Variants in PELI3 observed in about 807,000 individuals in gnomAD.
The protein encoded by PELI3 is pellino E3 ubiquitin protein ligase family member 3, also known as E3 ubiquitin-protein ligase pellino homolog 3.
PELI3 carries 19 observed loss-of-function variants against 35.5 expected under a neutral mutation model. The observed-to-expected ratio is 0.54, with a 90% CI of 0.37 to 0.79. PELI3 has a LOEUF of 0.79. Ranked by LOEUF, PELI3 falls within the 30% of genes least tolerant of loss-of-function variation. The pLI, the probability that PELI3 is intolerant of heterozygous loss-of-function variation, is 0.00. For synonymous variants in PELI3, 262 were observed against 279.2 expected (o/e 0.94, Z 0.62); for missense variants, 490 against 661.2 (o/e 0.74, Z 2.84).
rs1440434242 is a variant in PELI3 at position 66,466,915 on chromosome 11, C to G, written c.-114C>G. The G allele has an allele frequency of 2.0e-5, 3 of 151,330 alleles. No homozygotes were observed. Among genetic ancestry groups the G allele is most frequent in the Non-Finnish European group, 4.4e-5 (3 of 67,526 alleles). The allele number at this position is 151,330 out of a possible 1,614,324, so 9.4% of individuals were successfully genotyped here. ...CCCCCGGCCCTGGGTGTCCCCGTGA[C>G]GAGGCAGCGCGGAGCCGCCGCGGGC... On this transcript the variant is annotated 5_prime_UTR_variant, in exon 1 of 8. Coordinates refer to ENST00000320740, the MANE Select transcript of PELI3 (RefSeq NM_145065.3).
Position 66,474,322 on chromosome 11 carries a change from C to T in PELI3, c.840+397C>T, listed in dbSNP as rs182175018. On this transcript the variant is annotated intron_variant, in intron 7 of 7. Transcript: ENST00000320740. ...TTGGCAGTTTGTAGCATGTCTATCA[C>T]GTTCAGACAGGTTTAGCACTGTTCT... 172 of 555,432 alleles carry T rather than the reference C, an allele frequency of 3.1e-4. 1 individual carries two copies. Among genetic ancestry groups the T allele is most frequent in the Middle Eastern group, 9.0e-4 (2 of 2,214 alleles). 34.4% of individuals were successfully genotyped at this position (555,432 alleles called of 1,614,324 possible). A position where few individuals can be genotyped will look rare whatever the true frequency, so the allele number is the denominator to read the frequency against.
At position 66,473,177 on chromosome 11, in the gene PELI3, A is replaced by C; in HGVS notation, c.457-64A>C. On this transcript the variant is annotated intron_variant, in intron 5 of 7. Coordinates refer to ENST00000320740, the MANE Select transcript of PELI3 (RefSeq NM_145065.3). The surrounding 1 kb of genome is among the most constrained non-coding windows in gnomAD (Gnocchi z 5.8). The stretch of plus-strand genomic sequence containing the variant: ...ACAGAGCAGCTGCTGGTACTCTGGG[A>C]GGGAAGGCCCATGAGAGTCCCCTAT... The C allele has an allele frequency of 6.9e-7, 1 of 1,445,004 alleles. No individual in the cohort carries two copies. Among genetic ancestry groups the C allele is most frequent in the Non-Finnish European group, 9.3e-7 (1 of 1,070,466 alleles). 89.5% of individuals were successfully genotyped at this position (1,445,004 alleles called of 1,614,324 possible). A position where few individuals can be genotyped will look rare whatever the true frequency, so the allele number is the denominator to read the frequency against.
In PELI3 at chr11:66,475,831, C is replaced by G; in HGVS notation, c.1074C>G (p.Val358=). ...CGCCCGACAAACAGCAGCCCTGGGT[C>G]TACGTCCGCTGCGGGCACGTCCATG... ...RTAPDKQQPW[V]YVRCGHVHGY... The change falls in exon 8 of 8, where the codon GTC becomes GTG. Residue 358 remains valine, a synonymous_variant. Coordinates refer to ENST00000320740, the MANE Select transcript of PELI3 (RefSeq NM_145065.3). The G allele has an allele frequency of 6.2e-7, 1 of 1,606,868 alleles. No individual in the cohort carries two copies.
Position 66,473,797 on chromosome 11 carries a change from G to A in PELI3, c.712G>A (p.Val238Ile). The change falls in exon 7 of 8, where the codon GTC becomes ATC. Residue 238 changes from valine (V) to isoleucine (I), a missense_variant. This residue lies in a region of PELI3 where 349 missense variants were observed against 484.8 expected (regional missense o/e 0.72). Transcript: ENST00000320740. The surrounding 1 kb of genome is among the most constrained non-coding windows in gnomAD (Gnocchi z 5.8). The part of the protein sequence containing the change: ...GLMDGLTTNG[V>I]LVMHPAGGFS... Reference sequence around the variant, plus strand: ...GATGGATGGACTGACCACCAATGGAGTCCTGGTGATGCACCCGGCAGGCGG... The same window carrying A: ...GATGGATGGACTGACCACCAATGGAATCCTGGTGATGCACCCGGCAGGCGG... 6.2e-7 allele frequency: 1 copy of A among 1,613,972 alleles called. No homozygotes were observed. The highest frequency in any genetic ancestry group is 1.1e-5 in the South Asian group (1 of 91,082).
rs1590724288 is a variant in PELI3, at chr11:66,476,321, G to GC, written c.*160dup. The GC allele has an allele frequency of 3.3e-5, 28 of 838,174 alleles. No homozygotes were observed. Among genetic ancestry groups the GC allele is most frequent in the Non-Finnish European group, 3.9e-5 (22 of 557,392 alleles). The allele number at this position is 838,174 out of a possible 1,614,324, so 51.9% of individuals were successfully genotyped here. ...GGCTGTGCCCTTCCCCCCAACTGTG[G>GC]CCCCCCAAGGAGGTCCCCAAGATCT... On this transcript the variant is annotated 3_prime_UTR_variant, in exon 8 of 8. Coordinates refer to ENST00000320740, the MANE Select transcript of PELI3 (RefSeq NM_145065.3).
At chr11:66,474,774 G>C (rs1221616390) in intron 7 of PELI3, 18 of 151,656 alleles carry the variant, frequency 1.2e-4, no homozygotes, top group Non-Finnish European at 2.5e-4. Context: ...CTATCCCCCA[G>C]GCTGGAGTGC....
chr11:66,468,257 G>A lies in PELI3; in HGVS notation c.129G>A (p.Lys43=), dbSNP rs754287458. 6.3e-7 allele frequency: 1 copy of A among 1,577,666 alleles called. No individual in the cohort carries two copies. The highest frequency in any genetic ancestry group is 2.3e-5 in the East Asian group (1 of 43,014). The stretch of plus-strand genomic sequence containing the variant: ...CGCAGCCAGGCGAGGAGCCCATCAA[G>A]TATGGTGAACTCATCGTCCTGGGGT... ...EDAQPGEEPI[K]YGELIVLGCC... The change falls in exon 2 of 8, where the codon AAG becomes AAA. Residue 43 remains lysine (K), a synonymous_variant. Transcript: ENST00000320740.
In PELI3 at chr11:66,468,867, C is replaced by T; in HGVS notation, c.187C>T (p.Gln63Ter). ...CEEGGEETEA[Q>*]RGEVTGPRAH... ...GGAAGGAGGTGAGGAAACCGAGGCTCAGAGAGGGGAAGTGACTGGCCCAAG... is the reference window on the plus strand; with the variant it reads ...GGAAGGAGGTGAGGAAACCGAGGCTTAGAGAGGGGAAGTGACTGGCCCAAG... The change falls in exon 3 of 8, where the codon CAG becomes TAG. Residue 63 changes from glutamine (Q) to a stop codon, truncating the protein, a stop_gained. Coordinates refer to ENST00000320740, the MANE Select transcript of PELI3 (RefSeq NM_145065.3). LOFTEE classifies it high-confidence loss of function. 1 of 779,152 alleles carries T rather than the reference C, an allele frequency of 1.3e-6. No homozygotes were observed. The highest frequency in any genetic ancestry group is 1.3e-5 in the South Asian group (1 of 74,346). 48.3% of individuals were successfully genotyped at this position (779,152 alleles called of 1,614,324 possible).
Position 66,468,231 on chromosome 11 carries a change from G to T in PELI3, c.103G>T (p.Ala35Ser). ...SCVLSSPGED[A>S]QPGEEPIKYG... is the part of the protein sequence containing the mutation. ...CGTTCTCTCCTCTCCCGGTGAAGAT[G>T]CGCAGCCAGGCGAGGAGCCCATCAA... The change falls in exon 2 of 8, where the codon GCG becomes TCG. Residue 35 changes from alanine to serine, a missense_variant. Ala to Ser is a moderately conservative substitution (Grantham distance 99). Transcript: ENST00000320740. 1 of 1,595,890 alleles carries T rather than the reference G, an allele frequency of 6.3e-7. No homozygotes were observed. The highest frequency in any genetic ancestry group is 8.6e-7 in the Non-Finnish European group (1 of 1,169,100).
chr11:66,468,820 A>G lies in PELI3; in HGVS notation c.153-13A>G. 2 of 779,620 alleles carry G rather than the reference A, an allele frequency of 2.6e-6. No individual in the cohort carries two copies. The highest frequency in any genetic ancestry group is 4.8e-6 in the Non-Finnish European group (2 of 417,462). 48.3% of individuals were successfully genotyped at this position (779,620 alleles called of 1,614,324 possible). A position where few individuals can be genotyped will look rare whatever the true frequency, so the allele number is the denominator to read the frequency against. On this transcript the variant is annotated splice_polypyrimidine_tract_variant and intron_variant, in intron 2 of 7. Transcript: ENST00000320740. ...CCTTTCATGGACATTATTTCATTTC[A>G]ATCTTCACAAAGATGCTGTGAGGAA...
Position 66,473,684 on chromosome 11 carries a change from G to A in PELI3, c.652-53G>A. 3 of 1,598,582 alleles carry A rather than the reference G, an allele frequency of 1.9e-6. No individual in the cohort carries two copies. Among genetic ancestry groups the A allele is most frequent in the Non-Finnish European group, 2.6e-6 (3 of 1,175,292 alleles). Reference sequence around the variant, plus strand: ...AGCGGGGGCAGTGCCTCTGGCACATGGCCTGCTGGGGGGCCCCTGGGGGAT... The same window carrying A: ...AGCGGGGGCAGTGCCTCTGGCACATAGCCTGCTGGGGGGCCCCTGGGGGAT... On this transcript the variant is annotated intron_variant, in intron 6 of 7. Coordinates refer to ENST00000320740, the MANE Select transcript of PELI3 (RefSeq NM_145065.3). The surrounding 1 kb of genome is among the most constrained non-coding windows in gnomAD (Gnocchi z 5.8).
chr11:66,476,306 T>A lies in PELI3; in HGVS notation c.*139T>A. On this transcript the variant is annotated 3_prime_UTR_variant, in exon 8 of 8. Transcript: ENST00000320740. ...TGGACATGTTGGATGGGCTGTGCCCTTCCCCCCAACTGTGGCCCCCCAAGG... is the reference window on the plus strand; with the variant it reads ...TGGACATGTTGGATGGGCTGTGCCCATCCCCCCAACTGTGGCCCCCCAAGG... The A allele has an allele frequency of 2.0e-6, 2 of 991,976 alleles. No individual in the cohort carries two copies. Among genetic ancestry groups the A allele is most frequent in the Non-Finnish European group, 2.9e-6 (2 of 694,438 alleles). 61.4% of individuals were successfully genotyped at this position (991,976 alleles called of 1,614,324 possible).
chr11:66,470,952 C>G (rs1266958647), intron 3 of PELI3, among the ~76,000 whole-genome samples: 1 of 152,196 alleles, frequency 6.6e-6, no homozygotes, highest in Non-Finnish European at 1.5e-5. Context: ...TGCATCACCT[C>G]TACCGCCCCA....
chr11:66,474,297 T>C (rs1162922157), intron 7 of PELI3: 18 of 573,176 alleles, frequency 3.1e-5, no homozygotes, highest in Non-Finnish European at 4.9e-5. Context: ...GCCTAAAGGG[T>C]TGGCAGTTTG....
intron 7 of PELI3, chr11:66,474,341 C>A (rs1854828668): frequency 2.0e-6 from 1 of 510,942 alleles, no homozygotes. Flanking sequence ...AGGTTTAGCA[C>A]TGTTCTCCTC....
intron 7 of PELI3, 31 bp from the exon 8 acceptor site, chr11:66,475,567 G>A: frequency 6.2e-7 from 1 of 1,604,858 alleles, no homozygotes; most frequent in South Asian, 1.1e-5. Context: ...GGGCCTCTTG[G>A]GCAGTAAGGC....
chr11:66,473,179 G>A lies in PELI3; in HGVS notation c.457-62G>A. 6.9e-7 allele frequency: 1 copy of A among 1,456,084 alleles called. No homozygotes were observed. The highest frequency in any genetic ancestry group is 9.3e-7 in the Non-Finnish European group (1 of 1,078,762). 90.2% of individuals were successfully genotyped at this position (1,456,084 alleles called of 1,614,324 possible). A position where few individuals can be genotyped will look rare whatever the true frequency, so the allele number is the denominator to read the frequency against. On this transcript the variant is annotated intron_variant, in intron 5 of 7. Transcript: ENST00000320740. This position sits in a 1 kb window ranked among gnomAD's most constrained non-coding sequence, Gnocchi z 5.8. ...AGAGCAGCTGCTGGTACTCTGGGAG[G>A]GAAGGCCCATGAGAGTCCCCTATGT...
Position 66,474,228 on chromosome 11 carries a change from TA to T in PELI3, c.840+311del, listed in dbSNP as rs527581848. ...GGTGGCTTCAAGGCTGCTGGCAGCT[TA>T]AAAAAAATCACACCTTCTTATGAGA... is the stretch of plus-strand genomic sequence containing the variant. On this transcript the variant is annotated intron_variant, in intron 7 of 7. Coordinates refer to ENST00000320740, the MANE Select transcript of PELI3 (RefSeq NM_145065.3). 6,029 of 603,406 alleles carry T rather than the reference TA, an allele frequency of 1.0e-2. 56 individuals are homozygous for T. The highest frequency in any genetic ancestry group is 0.013 in the Middle Eastern group (51 of 3,882). 37.4% of individuals were successfully genotyped at this position (603,406 alleles called of 1,614,324 possible). A position where few individuals can be genotyped will look rare whatever the true frequency, so the allele number is the denominator to read the frequency against.
At chr11:66,474,948 C>A in intron 7 of PELI3, 1 of 152,338 alleles carries the variant, frequency 6.6e-6, no homozygotes, top group South Asian at 2.1e-4. Context: ...CCAGGCTGGT[C>A]TGGAACTCCT....
Sources: allele counts gnomAD v4.1 joint callset (sites outside exome capture counted in the v4.1 genomes callset), GRCh38; gene constraint gnomAD v4.1.1; regional missense constraint gnomAD v4.1.1; non-coding constraint Gnocchi (gnomAD v3.1); transcripts MANE v1.5; gene names NCBI Gene and HGNC (gene_info 2026-07-23, HGNC 2026-07-21).